The following PKNOX2 variants were observed in gnomAD, a reference collection of about 807,000 sequenced individuals.
PKNOX2 encodes homeobox protein PKNOX2.
In PKNOX2, 14 loss-of-function variants were observed where a neutral mutation model predicts 53.1. The observed-to-expected ratio is 0.26, with a 90% CI of 0.17 to 0.41. PKNOX2 has a LOEUF of 0.41. Ranked by LOEUF, PKNOX2 falls within the 10% of genes least tolerant of loss-of-function variation. The pLI is 1.00. For missense variants in PKNOX2, 496 were observed against 602.8 expected, an observed-to-expected ratio of 0.82 and a Z score of 1.85; for synonymous variants, 257 against 242.8, an observed-to-expected ratio of 1.06 and a Z score of -0.54.
chr11:125,357,158 T>C (rs58413592), intron 4 of PKNOX2, among the ~76,000 whole-genome samples: 3,245 of 152,286 alleles, frequency 0.021, 125 homozygotes, highest in African/African-American at 0.073. Context: ...CAGACTCTTC[T>C]CTTTCTTTTT....
intron 2 of PKNOX2, among the ~76,000 whole-genome samples, chr11:125,272,930 G>T (rs536955202): frequency 2.0e-5 from 3 of 152,236 alleles, no homozygotes; most frequent in Non-Finnish European, 2.9e-5. Context: ...TGGCCGAAGC[G>T]CAGGGAGAAT....
chr11:125,301,157 G>C (rs527571821), intron 2 of PKNOX2, among the ~76,000 whole-genome samples: 1 of 152,182 alleles, frequency 6.6e-6, no homozygotes, highest in Admixed American at 6.5e-5. Flanking sequence ...GGTTCAGGGA[G>C]CGCTGTTTGG....
intron 1 of PKNOX2, among the ~76,000 whole-genome samples, chr11:125,215,124 C>T (rs1478976104): frequency 1.3e-5 from 2 of 152,022 alleles, no homozygotes; most frequent in African/African-American, 2.4e-5. Flanking sequence ...AGGGGAAGGC[C>T]GTGTCTTCCG....
intron 7 of PKNOX2, among the ~76,000 whole-genome samples, chr11:125,402,716 A>T (rs555468499): frequency 1.1e-4 from 17 of 152,116 alleles, no homozygotes; most frequent in Non-Finnish European, 2.4e-4. Context: ...AGATGGGGAG[A>T]GGAGCTGCAG....
chr11:125,388,049 C>T (rs1953768327), intron 6 of PKNOX2, among the ~76,000 whole-genome samples: 1 of 152,124 alleles, frequency 6.6e-6, no homozygotes, highest in South Asian at 2.1e-4. Context: ...GCCCCTCCGT[C>T]AAGGTGCTCC....
At chr11:125,274,112 G>A (rs1394246366) in intron 2 of PKNOX2, among the ~76,000 whole-genome samples, 3 of 152,184 alleles carry the variant, frequency 2.0e-5, no homozygotes, top group African/African-American at 7.2e-5. Flanking sequence ...GCTGTGCTAA[G>A]TACTTTGCAT....
At chr11:125,245,971 C>T (rs775975479) in intron 2 of PKNOX2, among the ~76,000 whole-genome samples, 6 of 151,988 alleles carry the variant, frequency 3.9e-5, no homozygotes, top group Non-Finnish European at 5.9e-5. Flanking sequence ...AAGATTGGAG[C>T]GAGAAACCAG....
intron 2 of PKNOX2, among the ~76,000 whole-genome samples, chr11:125,263,787 C>G (rs546138196): frequency 5.0e-4 from 76 of 152,358 alleles, no homozygotes; most frequent in African/African-American, 1.8e-3. Context: ...CCCCCACCAC[C>G]CGTCCACAGA....
chr11:125,365,250 T>C (rs1308775374), intron 4 of PKNOX2, among the ~76,000 whole-genome samples: 1 of 152,210 alleles, frequency 6.6e-6, no homozygotes, highest in Admixed American at 6.5e-5. Context: ...GACCCTGCTT[T>C]GAATGTACTT....
chr11:125,176,899 A>G (rs1955749762), intron 1 of PKNOX2, among the ~76,000 whole-genome samples: 1 of 152,124 alleles, frequency 6.6e-6, no homozygotes, highest in African/African-American at 2.4e-5. Flanking sequence ...CTGCCATCCT[A>G]TGCTCCTTGA....
At chr11:125,245,471 T>G (rs1421034609) in intron 2 of PKNOX2, among the ~76,000 whole-genome samples, 1 of 152,234 alleles carries the variant, frequency 6.6e-6, no homozygotes, top group Non-Finnish European at 1.5e-5. Flanking sequence ...AAAGACTATG[T>G]GCTTTCCACT....
At chr11:125,387,586 T>G (rs1054939009) in intron 6 of PKNOX2, among the ~76,000 whole-genome samples, 1 of 152,174 alleles carries the variant, frequency 6.6e-6, no homozygotes, top group Non-Finnish European at 1.5e-5. Context: ...ATATTTAGAA[T>G]CAATCTAACA....
chr11:125,188,811 A>G (rs761670422), intron 1 of PKNOX2, among the ~76,000 whole-genome samples: 1 of 151,524 alleles, frequency 6.6e-6, no homozygotes, highest in East Asian at 1.9e-4. Flanking sequence ...CTGGACAGTG[A>G]TATGAGACCC....
intron 2 of PKNOX2, among the ~76,000 whole-genome samples, chr11:125,247,174 C>T (rs1054746028): frequency 3.9e-5 from 6 of 152,244 alleles, no homozygotes; most frequent in African/African-American, 1.2e-4. Context: ...CTGCCTTTCC[C>T]GGCAGGATTT....
At chr11:125,356,391 C>T (rs1452322465) in intron 4 of PKNOX2, among the ~76,000 whole-genome samples, 1 of 152,216 alleles carries the variant, frequency 6.6e-6, no homozygotes, top group South Asian at 2.1e-4. Flanking sequence ...GATGCAGCCT[C>T]ATTTTTGAAC....
chr11:125,377,461 G>T (rs1952909135), intron 5 of PKNOX2, among the ~76,000 whole-genome samples: 2 of 152,206 alleles, frequency 1.3e-5, no homozygotes, highest in African/African-American at 4.8e-5. Flanking sequence ...CAGGAGCAGG[G>T]AATTCAGGTG....
chr11:125,428,542 G>A (rs1162161583), intron 10 of PKNOX2, among the ~76,000 whole-genome samples: 2 of 152,182 alleles, frequency 1.3e-5, no homozygotes, highest in African/African-American at 4.8e-5. Flanking sequence ...GCCATGCCTA[G>A]CATAAATCTG....
intron 10 of PKNOX2, among the ~76,000 whole-genome samples, chr11:125,428,003 AC>A (rs1401443448): frequency 2.6e-5 from 4 of 151,942 alleles, no homozygotes; most frequent in Non-Finnish European, 5.9e-5. Flanking sequence ...CTTCCCCACC[AC>A]TGCATTTCTC....
Position 125,256,852 on chromosome 11 carries a change from G to A in PKNOX2, c.-130+21737G>A, listed in dbSNP as rs149062920. Among the ~76,000 whole-genome samples, 84 of 152,256 alleles carry A rather than the reference G, an allele frequency of 5.5e-4. 1 individual carries two copies. In the East Asian group the frequency reaches 0.011, roughly 21 times the overall value. On this transcript the variant is annotated intron_variant, in intron 2 of 12. Transcript: ENST00000298282. ...AGGGGAGAGAGAGGCTTCTGCTTCCGTTGCAGCCGCCTCTGTCTCGGCTGC... is the reference window on the plus strand; with the variant it reads ...AGGGGAGAGAGAGGCTTCTGCTTCCATTGCAGCCGCCTCTGTCTCGGCTGC...
Sources: allele counts gnomAD v4.1 joint callset (sites outside exome capture counted in the v4.1 genomes callset), GRCh38; gene constraint gnomAD v4.1.1; transcripts MANE v1.5; gene names NCBI Gene and HGNC (gene_info 2026-07-23, HGNC 2026-07-21).